ZFP36: variants seen among roughly 807,000 people sequenced by gnomAD.
ZFP36 encodes mRNA decay activator protein ZFP36.
In ZFP36, 13 loss-of-function variants were observed where a neutral mutation model predicts 19.8. The ratio of observed to expected loss-of-function variants is 0.66; its 90% CI spans 0.43 to 1.04. The LOEUF is 1.04. ZFP36 is among the 50% of genes least tolerant of loss of function. ZFP36 has a pLI of 0.00. For synonymous variants in ZFP36, 191 were observed against 194.5 expected (o/e 0.98, Z 0.15); for missense variants, 354 against 441.6 (o/e 0.80, Z 1.78).
chr19:39,407,680 C>T lies in ZFP36; in HGVS notation c.25-63C>T. The T allele has an allele frequency of 6.9e-7, 1 of 1,444,574 alleles. No individual in the cohort carries two copies. The highest frequency in any genetic ancestry group is 2.3e-5 in the East Asian group (1 of 43,112). 89.5% of individuals were successfully genotyped at this position (1,444,574 alleles called of 1,614,324 possible). On this transcript the variant is annotated intron_variant, in intron 1 of 1. Transcript: ENST00000597629. The surrounding 1 kb of genome is among the most constrained non-coding windows in gnomAD (Gnocchi z 7.6). ...AAACCGGCCTGGCAAGCTCTAGTTCCCTGCAGCTGGGGTGGGGCGTCGCCC... is the reference window on the plus strand; with the variant it reads ...AAACCGGCCTGGCAAGCTCTAGTTCTCTGCAGCTGGGGTGGGGCGTCGCCC...
chr19:39,408,532 C>T lies in ZFP36; in HGVS notation c.814C>T (p.Pro272Ser). 1 of 1,608,548 alleles carries T rather than the reference C, an allele frequency of 6.2e-7. No individual in the cohort carries two copies. Among genetic ancestry groups the T allele is most frequent in the Non-Finnish European group, 8.5e-7 (1 of 1,177,424 alleles). Residue 272 changes from proline (P) to serine (S), a missense_variant, in exon 2 of 2, where the codon CCC (proline) becomes TCC (serine). Pro to Ser is a moderately conservative substitution (Grantham distance 74). Transcript: ENST00000597629. The surrounding 1 kb of genome is among the most constrained non-coding windows in gnomAD (Gnocchi z 6.0). ...WGPLGGLVRTPSVQSLGSDPD... is the reference protein window; with the variant it reads ...WGPLGGLVRTSSVQSLGSDPD... ...GCCCTTGGGTGGCCTGGTTCGGACC[C>T]CCTCTGTACAGTCCCTGGGATCCGA...
chr19:39,407,346 A>G lies in ZFP36; in HGVS notation c.25-397A>G. 1 of 429,046 alleles carries G rather than the reference A, an allele frequency of 2.3e-6. No homozygotes were observed. The highest frequency in any genetic ancestry group is 4.1e-6 in the Non-Finnish European group (1 of 243,852). 26.6% of individuals were successfully genotyped at this position (429,046 alleles called of 1,614,324 possible). On this transcript the variant is annotated intron_variant, in intron 1 of 1. Transcript: ENST00000597629. The surrounding 1 kb of genome is among the most constrained non-coding windows in gnomAD (Gnocchi z 7.6). ...CTGTCTCTCCAGTCCCTGACCGTAG[A>G]GACAGAGAACCCTAAAACCGAAGCA...
rs564813949 is a variant in ZFP36 at position 39,408,655 on chromosome 19, C to A, written c.937C>A (p.Pro313Thr). 6.3e-6 allele frequency: 10 copies of A among 1,581,280 alleles called. No homozygotes were observed. The Admixed American group carries it at 1.1e-4, about 18-fold the overall frequency. Reference sequence around the variant, plus strand: ...TGCACCACCCCAGCCCGTGGCAGCCCCCCGGCGACTCCCCATCTTCAATCG... The same window carrying A: ...TGCACCACCCCAGCCCGTGGCAGCCACCCGGCGACTCCCCATCTTCAATCG... ...VFAPPQPVAAPRRLPIFNRIS... is the reference protein window; with the variant it reads ...VFAPPQPVAATRRLPIFNRIS... The change falls in exon 2 of 2, where the codon CCC (proline) becomes ACC (threonine). Residue 313 changes from proline to threonine, a missense_variant. Coordinates refer to ENST00000597629, the MANE Select transcript of ZFP36 (RefSeq NM_003407.5). The surrounding 1 kb of genome is among the most constrained non-coding windows in gnomAD (Gnocchi z 6.0).
In ZFP36 at chr19:39,407,682, T is replaced by A; in HGVS notation, c.25-61T>A. Reference sequence around the variant, plus strand: ...ACCGGCCTGGCAAGCTCTAGTTCCCTGCAGCTGGGGTGGGGCGTCGCCCTG... The same window carrying A: ...ACCGGCCTGGCAAGCTCTAGTTCCCAGCAGCTGGGGTGGGGCGTCGCCCTG... On this transcript the variant is annotated intron_variant, in intron 1 of 1. Transcript: ENST00000597629. This position sits in a 1 kb window ranked among gnomAD's most constrained non-coding sequence, Gnocchi z 7.6. 4 of 1,453,698 alleles carry A rather than the reference T, an allele frequency of 2.8e-6. No individual in the cohort carries two copies. The highest frequency in any genetic ancestry group is 3.7e-6 in the Non-Finnish European group (4 of 1,093,126). 90.0% of individuals were successfully genotyped at this position (1,453,698 alleles called of 1,614,324 possible).
At position 39,409,381 on chromosome 19, in the gene ZFP36, ATTTTT is replaced by A. The variant is rs1318283691; in HGVS notation, c.*683_*687del. 3.9e-5 allele frequency: 6 copies of A among 152,412 alleles called. No individual in the cohort carries two copies. Among genetic ancestry groups the A allele is most frequent in the Non-Finnish European group, 8.8e-5 (6 of 68,168 alleles). The allele number at this position is 152,412 out of a possible 1,614,324, so 9.4% of individuals were successfully genotyped here. On this transcript the variant is annotated 3_prime_UTR_variant, in exon 2 of 2. Coordinates refer to ENST00000597629, the MANE Select transcript of ZFP36 (RefSeq NM_003407.5). ...AAAAGTCTATTTTTGTGTTTTGGGC[ATTTTT>A]AAATAAACAATCTGAGTGTAAGCTG...
At position 39,408,344 on chromosome 19, in the gene ZFP36, C is replaced by T; in HGVS notation, c.626C>T (p.Ser209Phe). 6.2e-7 allele frequency: 1 copy of T among 1,613,722 alleles called. No homozygotes were observed. Among genetic ancestry groups the T allele is most frequent in the South Asian group, 1.1e-5 (1 of 91,072 alleles). The change falls in exon 2 of 2, where the codon TCC becomes TTC. Residue 209 changes from serine to phenylalanine, a missense_variant. By Grantham distance (155) the Ser-to-Phe change is radical. Coordinates refer to ENST00000597629, the MANE Select transcript of ZFP36 (RefSeq NM_003407.5). The surrounding 1 kb of genome is among the most constrained non-coding windows in gnomAD (Gnocchi z 6.0). Reference protein sequence around the residue: ...PPPGLAGPSLSSSSFSPSSSP... With the variant: ...PPPGLAGPSLFSSSFSPSSSP... Reference sequence around the variant, plus strand: ...CCAGGCCTGGCCGGCCCTTCCCTGTCCTCCAGCTCCTTCTCGCCCTCCAGC... The same window carrying T: ...CCAGGCCTGGCCGGCCCTTCCCTGTTCTCCAGCTCCTTCTCGCCCTCCAGC...
chr19:39,408,467 G>A lies in ZFP36; in HGVS notation c.749G>A (p.Cys250Tyr). The change falls in exon 2 of 2, where the codon TGC becomes TAC. Residue 250 changes from cysteine (C) to tyrosine (Y), a missense_variant. Physicochemically the swap from Cys to Tyr is radical, Grantham distance 194. Transcript: ENST00000597629. The surrounding 1 kb of genome is among the most constrained non-coding windows in gnomAD (Gnocchi z 6.0). The stretch of plus-strand genomic sequence containing the variant: ...CGAAGAGACCCCACCCCAGTCTGTT[G>A]CCCCTCCTGCCGAAGGGCCACTCCT... ...LARRDPTPVC[C>Y]PSCRRATPIS... is the part of the protein sequence containing the mutation. 2.5e-6 allele frequency: 4 copies of A among 1,608,384 alleles called. No homozygotes were observed. The highest frequency in any genetic ancestry group is 3.4e-6 in the Non-Finnish European group (4 of 1,176,910).
In ZFP36 at chr19:39,406,862, C is replaced by T. The variant is rs201728068; in HGVS notation, c.-43C>T. ...TGCCAGCCTCAGCCTGACTTCAGCG[C>T]TCCCACTCTCGGCCGACACCCCTCA... On this transcript the variant is annotated 5_prime_UTR_variant, in exon 1 of 2. Coordinates refer to ENST00000597629, the MANE Select transcript of ZFP36 (RefSeq NM_003407.5). 5 of 1,595,574 alleles carry T rather than the reference C, an allele frequency of 3.1e-6. No individual in the cohort carries two copies. The highest frequency in any genetic ancestry group is 2.4e-5 in the East Asian group (1 of 42,450).
Position 39,407,864 on chromosome 19 carries a change from G to C in ZFP36, c.146G>C (p.Gly49Ala), listed in dbSNP as rs1197578887. 3 of 1,605,428 alleles carry C rather than the reference G, an allele frequency of 1.9e-6. No individual in the cohort carries two copies. The Admixed American group carries it at 5.0e-5, about 27-fold the overall frequency. ...AGCCCCTCCGACTCCAGCCCGTCTG[G>C]GGTCACCTCCCGCCTGCCTGGCCGC... Reference protein sequence around the residue: ...SLSPSDSSPSGVTSRLPGRST... With the variant: ...SLSPSDSSPSAVTSRLPGRST... The change falls in exon 2 of 2, where the codon GGG becomes GCG. Residue 49 changes from glycine to alanine, a missense_variant. Transcript: ENST00000597629. This position sits in a 1 kb window ranked among gnomAD's most constrained non-coding sequence, Gnocchi z 7.6.
rs1310655967 is a variant in ZFP36 at position 39,408,786 on chromosome 19, TGGGGACTTG to T, written c.*94_*102del. 22 of 1,275,330 alleles carry T rather than the reference TGGGGACTTG, an allele frequency of 1.7e-5. No homozygotes were observed. Among genetic ancestry groups the T allele is most frequent in the Non-Finnish European group, 2.4e-5 (22 of 934,466 alleles). 79.0% of individuals were successfully genotyped at this position (1,275,330 alleles called of 1,614,324 possible). A position where few individuals can be genotyped will look rare whatever the true frequency, so the allele number is the denominator to read the frequency against. On this transcript the variant is annotated 3_prime_UTR_variant, in exon 2 of 2. Transcript: ENST00000597629. This position sits in a 1 kb window ranked among gnomAD's most constrained non-coding sequence, Gnocchi z 6.0. Reference sequence around the variant, plus strand: ...GGTCTCTGCATGGACCCCAGGGCTGTGGGGACTTGGGGGACAGTAATCAAGTAATCCCCT... The same window carrying T: ...GGTCTCTGCATGGACCCCAGGGCTGTGGGGACAGTAATCAAGTAATCCCCT...
At position 39,407,653 on chromosome 19, in the gene ZFP36, A is replaced by C; in HGVS notation, c.25-90A>C. 7.8e-7 allele frequency: 1 copy of C among 1,286,094 alleles called. No individual in the cohort carries two copies. The allele number at this position is 1,286,094 out of a possible 1,614,324, so 79.7% of individuals were successfully genotyped here. A position where few individuals can be genotyped will look rare whatever the true frequency, so the allele number is the denominator to read the frequency against. Reference sequence around the variant, plus strand: ...CGGGTGGGGCTCAGGCGGGGAGCCCACAAACCGGCCTGGCAAGCTCTAGTT... The same window carrying C: ...CGGGTGGGGCTCAGGCGGGGAGCCCCCAAACCGGCCTGGCAAGCTCTAGTT... On this transcript the variant is annotated intron_variant, in intron 1 of 1. Transcript: ENST00000597629. The surrounding 1 kb of genome is among the most constrained non-coding windows in gnomAD (Gnocchi z 7.6).
chr19:39,407,338 G>T lies in ZFP36; in HGVS notation c.25-405G>T. 3 of 433,414 alleles carry T rather than the reference G, an allele frequency of 6.9e-6. No individual in the cohort carries two copies. The highest frequency in any genetic ancestry group is 1.2e-5 in the Non-Finnish European group (3 of 246,482). 26.8% of individuals were successfully genotyped at this position (433,414 alleles called of 1,614,324 possible). On this transcript the variant is annotated intron_variant, in intron 1 of 1. Coordinates refer to ENST00000597629, the MANE Select transcript of ZFP36 (RefSeq NM_003407.5). This position sits in a 1 kb window ranked among gnomAD's most constrained non-coding sequence, Gnocchi z 7.6. ...TCCGACTTCTGTCTCTCCAGTCCCT[G>T]ACCGTAGAGACAGAGAACCCTAAAA...
Position 39,407,121 on chromosome 19 carries a change from A to T in ZFP36, c.24+193A>T, listed in dbSNP as rs1424063666. 1.7e-6 allele frequency: 1 copy of T among 573,560 alleles called. No individual in the cohort carries two copies. The highest frequency in any genetic ancestry group is 3.6e-5 in the Admixed American group (1 of 27,586). 35.5% of individuals were successfully genotyped at this position (573,560 alleles called of 1,614,324 possible). A position where few individuals can be genotyped will look rare whatever the true frequency, so the allele number is the denominator to read the frequency against. On this transcript the variant is annotated intron_variant, in intron 1 of 1. Transcript: ENST00000597629. The surrounding 1 kb of genome is among the most constrained non-coding windows in gnomAD (Gnocchi z 7.6). Reference sequence around the variant, plus strand: ...TTGGTGATTTGGAGGTGAAAATGGAACCCGCGACACCCGGCTCTTCGCTCA... The same window carrying T: ...TTGGTGATTTGGAGGTGAAAATGGATCCCGCGACACCCGGCTCTTCGCTCA...
At chr19:39,406,963 C>T in intron 1 of ZFP36, 35 bp downstream of exon 1, 3 of 1,608,558 alleles carry the variant, frequency 1.9e-6, no homozygotes, top group Non-Finnish European at 1.7e-6. Context: ...CCGGTACCTG[C>T]ATGCCTGAGT....
intron 1 of ZFP36, 60 bp downstream of exon 1, chr19:39,406,988 C>T (rs755517449): frequency 6.3e-7 from 1 of 1,590,022 alleles, no homozygotes. Flanking sequence ...GTCCCCACCT[C>T]TCTAGCGCCG....
chr19:39,408,870 C>T lies in ZFP36; in HGVS notation c.*171C>T, dbSNP rs539288952. On this transcript the variant is annotated 3_prime_UTR_variant, in exon 2 of 2. Transcript: ENST00000597629. The surrounding 1 kb of genome is among the most constrained non-coding windows in gnomAD (Gnocchi z 6.0). ...CCCTGACCTCACGCTGGGGCAGGTC[C>T]CCAAGTGTGCAAGCTCAGTATTCAT... The T allele has an allele frequency of 2.3e-5, 13 of 573,212 alleles. No homozygotes were observed. The highest frequency in any genetic ancestry group is 3.7e-5 in the Non-Finnish European group (13 of 349,328). The allele number at this position is 573,212 out of a possible 1,614,324, so 35.5% of individuals were successfully genotyped here.
rs766387508 is a variant in ZFP36 at position 39,407,519 on chromosome 19, C to T, written c.25-224C>T. The stretch of plus-strand genomic sequence containing the variant: ...TTCGGGGTCCCCCTCTTGGTCCAGC[C>T]GGGGAAGCCGGGATTCCTGGGTCCC... On this transcript the variant is annotated intron_variant, in intron 1 of 1. Transcript: ENST00000597629. The surrounding 1 kb of genome is among the most constrained non-coding windows in gnomAD (Gnocchi z 7.6). The T allele has an allele frequency of 1.2e-4, 57 of 481,818 alleles. No homozygotes were observed. Among genetic ancestry groups the T allele is most frequent in the Non-Finnish European group, 5.1e-5 (14 of 273,570 alleles). 29.8% of individuals were successfully genotyped at this position (481,818 alleles called of 1,614,324 possible).
At position 39,406,979 on chromosome 19, in the gene ZFP36, T is replaced by G. The variant is rs774062278; in HGVS notation, c.24+51T>G. On this transcript the variant is annotated intron_variant, in intron 1 of 1. Coordinates refer to ENST00000597629, the MANE Select transcript of ZFP36 (RefSeq NM_003407.5). ...CGGTACCTGCATGCCTGAGTCCGAGTCCCCACCTCTCTAGCGCCGCAAACT... is the reference window on the plus strand; with the variant it reads ...CGGTACCTGCATGCCTGAGTCCGAGGCCCCACCTCTCTAGCGCCGCAAACT... The G allele has an allele frequency of 4.3e-5, 69 of 1,598,394 alleles. No homozygotes were observed. In the Admixed American group the frequency reaches 8.2e-4, roughly 19 times the overall value.
At position 39,406,880 on chromosome 19, in the gene ZFP36, A is replaced by G; in HGVS notation, c.-25A>G. On this transcript the variant is annotated 5_prime_UTR_variant, in exon 1 of 2. Coordinates refer to ENST00000597629, the MANE Select transcript of ZFP36 (RefSeq NM_003407.5). The stretch of plus-strand genomic sequence containing the variant: ...TTCAGCGCTCCCACTCTCGGCCGAC[A>G]CCCCTCATGGCCAACCGTTACACCA... The G allele has an allele frequency of 1.9e-6, 3 of 1,590,222 alleles. No homozygotes were observed. Among genetic ancestry groups the G allele is most frequent in the African/African-American group, 1.4e-5 (1 of 72,578 alleles).
Sources: gnomAD v4.1 joint callset for allele counts on GRCh38, gnomAD v4.1.1 for gene constraint, Gnocchi (gnomAD v3.1) non-coding constraint, MANE v1.5 for transcripts, NCBI Gene and HGNC (gene_info 2026-07-23, HGNC 2026-07-21) for gene names.